RGS12: variants seen among roughly 807,000 people sequenced by gnomAD.
RGS12 encodes regulator of G protein signaling 12.
RGS12 carries 66 observed loss-of-function variants against 120.1 expected under a neutral mutation model. The observed-to-expected ratio is 0.55, with a 90% CI of 0.45 to 0.67. The LOEUF (loss-of-function observed/expected upper bound fraction) is 0.67, where lower values mean the gene tolerates loss of function less well. RGS12 is among the 30% of genes least tolerant of loss of function. The pLI is 0.00. For synonymous variants in RGS12, 827 were observed against 804.7 expected, an observed-to-expected ratio of 1.03 and a Z score of -0.47; for missense variants, 1,859 against 1,957.7, an observed-to-expected ratio of 0.95 and a Z score of 0.95.
intron 3 of RGS12, among the ~76,000 whole-genome samples, chr4:3,362,521 TGA>T (rs1480372900): frequency 8.5e-6 from 1 of 117,294 alleles, no homozygotes; most frequent in Admixed American, 8.6e-5. Context: ...TCAGTGTGTG[TGA>T]GGGTGTGTTG....
chr4:3,423,225 C>T (rs113198618), intron 12 of RGS12, among the ~76,000 whole-genome samples: 3 of 152,314 alleles, frequency 2.0e-5, no homozygotes, highest in African/African-American at 7.2e-5. Context: ...GCCCAGCCCC[C>T]TAAGATGCCG....
At position 3,366,228 on chromosome 4, in the gene RGS12, A is replaced by T. The variant is rs910619371; in HGVS notation, c.1999-20188A>T. On this transcript the variant is annotated intron_variant, in intron 3 of 17. Coordinates refer to ENST00000336727, the MANE Select transcript of RGS12 (RefSeq NM_001394154.1). The surrounding 1 kb of genome is among the most constrained non-coding windows in gnomAD (Gnocchi z 4.0). ...CTGGGGCGGGTGCTGGGCAGACTGC[A>T]AAGGGTCAGACTGGCATATGGCGGC... Among the ~76,000 whole-genome samples the T allele has an allele frequency of 2.0e-5, 3 of 152,064 alleles. No homozygotes were observed. The highest frequency in any genetic ancestry group is 1.3e-4 in the Admixed American group (2 of 15,278).
At chr4:3,429,375 C>T (rs191411537) in intron 16 of RGS12, among the ~76,000 whole-genome samples, 1 of 152,352 alleles carries the variant, frequency 6.6e-6, no homozygotes, top group African/African-American at 2.4e-5. Flanking sequence ...GGCGTACTTG[C>T]CAGTCCACCT....
intron 4 of RGS12, among the ~76,000 whole-genome samples, chr4:3,392,310 A>G (rs1458114432): frequency 6.6e-6 from 1 of 152,162 alleles, no homozygotes; most frequent in Non-Finnish European, 1.5e-5. Context: ...CAGCAATTTG[A>G]TTATGATGAG....
intron 1 of RGS12, among the ~76,000 whole-genome samples, chr4:3,293,770 G>A (rs141631008): frequency 7.8e-4 from 118 of 152,210 alleles, no homozygotes; most frequent in Non-Finnish European, 1.3e-3. Flanking sequence ...GACAGAGAGG[G>A]GGCCCAGAGC....
intron 3 of RGS12, among the ~76,000 whole-genome samples, chr4:3,363,182 T>C (rs112474798): frequency 0.014 from 2,072 of 151,252 alleles, 74 homozygotes; most frequent in African/African-American, 0.046. Flanking sequence ...CGTCAGTGAG[T>C]GTGCATGGCA....
At chr4:3,414,990 T>A in intron 6 of RGS12, 146 bp downstream of exon 6, 1 of 489,364 alleles carries the variant, frequency 2.0e-6, no homozygotes, top group Non-Finnish European at 3.5e-6. Context: ...AGAGGTTGCG[T>A]GTGAGGGGCG....
chr4:3,300,627 C>T (rs929450655), intron 1 of RGS12, among the ~76,000 whole-genome samples: 6 of 152,198 alleles, frequency 3.9e-5, no homozygotes, highest in African/African-American at 9.6e-5. Context: ...GTGACCCCTC[C>T]GAAGGCTTTA....
intron 7 of RGS12, among the ~76,000 whole-genome samples, chr4:3,416,516 T>C (rs529370173): frequency 1.3e-5 from 2 of 152,354 alleles, no homozygotes; most frequent in East Asian, 1.9e-4. Context: ...TGCCTGTGCA[T>C]GTCGCTGCGG....
At chr4:3,318,654 C>G (rs1454721722) in intron 2 of RGS12, among the ~76,000 whole-genome samples, 2 of 152,200 alleles carry the variant, frequency 1.3e-5, no homozygotes, top group Admixed American at 1.3e-4. Flanking sequence ...ATCAGCATCC[C>G]TTTGGGGGCC....
chr4:3,439,844 C>A lies in RGS12; in HGVS notation c.*160C>A. On this transcript the variant is annotated 3_prime_UTR_variant, in exon 18 of 18. Transcript: ENST00000336727. ...GCTGGAGGCACTGGCCCCGGACATT[C>A]GCCATGCTGGCCATGGGGCTCCCTG... 1.5e-6 allele frequency: 1 copy of A among 651,424 alleles called. No individual in the cohort carries two copies. Among genetic ancestry groups the A allele is most frequent in the Non-Finnish European group, 2.5e-6 (1 of 404,376 alleles). The allele number at this position is 651,424 out of a possible 1,614,324, so 40.4% of individuals were successfully genotyped here.
At chr4:3,329,328 A>G (rs1290318477) in intron 2 of RGS12, among the ~76,000 whole-genome samples, 4 of 152,104 alleles carry the variant, frequency 2.6e-5, no homozygotes, top group African/African-American at 9.7e-5. Flanking sequence ...GGACTGCCCC[A>G]TAGAAGGTGG....
intron 4 of RGS12, chr4:3,413,704 G>C (rs567099155): frequency 1.1e-4 from 22 of 209,436 alleles, no homozygotes; most frequent in South Asian, 6.5e-4. Context: ...CCTGTGTAAG[G>C]TTAGTTGCTT....
At chr4:3,324,181 T>C (rs1266715010) in intron 2 of RGS12, 1 of 153,078 alleles carries the variant, frequency 6.5e-6, no homozygotes, top group Admixed American at 6.5e-5. Flanking sequence ...AGCAGACTCG[T>C]TGGTCCTGCG....
chr4:3,433,670 C>T lies in RGS12; in HGVS notation c.4114+2715C>T, dbSNP rs28779780. 0.02 allele frequency among the ~76,000 whole-genome samples: 3,063 copies of T among 152,078 alleles called. 115 individuals carry two copies. The highest frequency in any genetic ancestry group is 0.07 in the African/African-American group (2,919 of 41,426). ...CCATGCCACCCTGTTCCAGCCCCTG[C>T]GCCACGTGGTGCTCCACCACGCCCT... On this transcript the variant is annotated intron_variant, in intron 17 of 17. Coordinates refer to ENST00000336727, the MANE Select transcript of RGS12 (RefSeq NM_001394154.1). This position sits in a 1 kb window ranked among gnomAD's most constrained non-coding sequence, Gnocchi z 4.4.
At chr4:3,303,874 T>G (rs1313678486) in intron 1 of RGS12, among the ~76,000 whole-genome samples, 1 of 152,248 alleles carries the variant, frequency 6.6e-6, no homozygotes, top group Non-Finnish European at 1.5e-5. Context: ...AAACGAAGCA[T>G]TCTGAAAGTT....
chr4:3,352,394 G>A (rs1037829264), intron 3 of RGS12, among the ~76,000 whole-genome samples: 3 of 152,136 alleles, frequency 2.0e-5, no homozygotes, highest in African/African-American at 7.2e-5. Flanking sequence ...CCAGTTCTAA[G>A]AATTGATGAT....
chr4:3,319,765 C>T (rs1578720184), intron 2 of RGS12, among the ~76,000 whole-genome samples: 1 of 152,198 alleles, frequency 6.6e-6, no homozygotes, highest in South Asian at 2.1e-4. Flanking sequence ...TTAGAGGAGT[C>T]GTTCTGCAGC....
At chr4:3,335,710 C>A (rs1712382706) in intron 2 of RGS12, among the ~76,000 whole-genome samples, 1 of 152,110 alleles carries the variant, frequency 6.6e-6, no homozygotes, top group Non-Finnish European at 1.5e-5. Context: ...TATTGGGAGG[C>A]CAGGAATTGG....
Sources: allele counts gnomAD v4.1 joint callset (sites outside exome capture counted in the v4.1 genomes callset), GRCh38; gene constraint gnomAD v4.1.1; non-coding constraint Gnocchi (gnomAD v3.1); transcripts MANE v1.5; gene names NCBI Gene and HGNC (gene_info 2026-07-23, HGNC 2026-07-21).